Variants in HGSNAT observed in about 807,000 individuals in gnomAD.
The protein encoded by HGSNAT is transmembrane protein 76.
In HGSNAT, 59 loss-of-function variants were observed where a neutral mutation model predicts 85.2. That is an observed-to-expected ratio of 0.69 (90% CI 0.56 to 0.86). The LOEUF (loss-of-function observed/expected upper bound fraction) is 0.86, where lower values mean the gene tolerates loss of function less well. Among genes scored for constraint, HGSNAT ranks in the 40% least tolerant of loss-of-function variants. HGSNAT has a pLI of 0.00. For missense variants in HGSNAT, 756 were observed against 777.1 expected (o/e 0.97, Z 0.32); for synonymous variants, 321 against 304.5 (o/e 1.05, Z -0.56).
At chr8:43,169,277 G>T (rs774305899) in intron 6 of HGSNAT, 35 bp downstream of exon 6, 2 of 1,356,280 alleles carry the variant, frequency 1.5e-6, no homozygotes, top group Non-Finnish European at 1.0e-6. Flanking sequence ...TTGCCCAGGT[G>T]GTTTTCTAAA....
At chr8:43,184,673 G>A (rs1479631422) in intron 11 of HGSNAT, among the ~76,000 whole-genome samples, 3 of 152,144 alleles carry the variant, frequency 2.0e-5, no homozygotes, top group Non-Finnish European at 4.4e-5. Context: ...GGCTTTTGTT[G>A]CCATTGCTTT....
intron 11 of HGSNAT, among the ~76,000 whole-genome samples, chr8:43,184,851 A>T (rs1022208013): frequency 6.6e-6 from 1 of 152,238 alleles, no homozygotes; most frequent in African/African-American, 2.4e-5. Flanking sequence ...AGCTTTCTAC[A>T]TATGGCTAGC....
At chr8:43,194,596 C>T (rs1020124265) in intron 14 of HGSNAT, 40 of 880,354 alleles carry the variant, frequency 4.5e-5, no homozygotes, top group Non-Finnish European at 5.3e-5. Context: ...TGGTGAGGGT[C>T]TGGGCTCTCC....
At chr8:43,158,763 C>A in intron 3 of HGSNAT, 52 bp downstream of exon 3, 2 of 1,543,798 alleles carry the variant, frequency 1.3e-6, no homozygotes, top group Non-Finnish European at 1.7e-6. Flanking sequence ...TTCTCTTTTT[C>A]TATTTTGGTT....
rs145454681 is a variant in HGSNAT, at chr8:43,142,653, C to G, written c.118+2039C>G. Among the ~76,000 whole-genome samples the G allele has an allele frequency of 5.9e-5, 9 of 152,228 alleles. No individual in the cohort carries two copies. The East Asian group carries it at 1.7e-3, about 29-fold the overall frequency. ...TTTGTGGGAAATTAAAAAAATCATG[C>G]TGATTGGGCAGAGATTCTGATTTAA... On this transcript the variant is annotated intron_variant, in intron 1 of 17. Coordinates refer to ENST00000379644, the MANE Select transcript of HGSNAT (RefSeq NM_152419.3).
intron 1 of HGSNAT, among the ~76,000 whole-genome samples, chr8:43,144,300 G>A (rs1802645993): frequency 6.6e-6 from 1 of 150,704 alleles, no homozygotes; most frequent in African/African-American, 2.4e-5. Flanking sequence ...ACTCCAGCCT[G>A]GGAGACAGAG....
Position 43,202,229 on chromosome 8 carries a change from C to T in HGSNAT, c.*2660C>T, listed in dbSNP as rs1026692126. On this transcript the variant is annotated 3_prime_UTR_variant, in exon 18 of 18. Transcript: ENST00000379644. ...AGGTGCTCGACACCAGGCATCCCCT[C>T]TCCTCCCACGAAGGGTGTGCCATAA... The T allele has an allele frequency of 2.0e-5, 3 of 152,524 alleles. No homozygotes were observed. The highest frequency in any genetic ancestry group is 7.2e-5 in the African/African-American group (3 of 41,474). 9.4% of individuals were successfully genotyped at this position (152,524 alleles called of 1,614,324 possible).
In HGSNAT at chr8:43,140,490, G is replaced by A. The variant is rs1453601054; in HGVS notation, c.-7G>A. ...GGCAGGCAAGGGCGGCCGAGCGGGC[G>A]GCGGGCATGAGCGGGGCGGGCAGGG... On this transcript the variant is annotated 5_prime_UTR_variant, in exon 1 of 18. Coordinates refer to ENST00000379644, the MANE Select transcript of HGSNAT (RefSeq NM_152419.3). The A allele has an allele frequency of 2.0e-6, 2 of 1,010,604 alleles. No homozygotes were observed. The highest frequency in any genetic ancestry group is 2.4e-6 in the Non-Finnish European group (2 of 846,950). 62.6% of individuals were successfully genotyped at this position (1,010,604 alleles called of 1,614,324 possible).
chr8:43,185,515 T>C (rs889752146), intron 11 of HGSNAT, among the ~76,000 whole-genome samples: 2 of 152,240 alleles, frequency 1.3e-5, no homozygotes, highest in African/African-American at 4.8e-5. Flanking sequence ...TGAAGTTGCT[T>C]ATCAGCTTAA....
intron 4 of HGSNAT, among the ~76,000 whole-genome samples, chr8:43,160,267 G>A (rs146004630): frequency 1.6e-3 from 242 of 152,302 alleles, no homozygotes; most frequent in African/African-American, 5.5e-3. Context: ...GGAAAATTCT[G>A]TGGAGAAGAA....
At chr8:43,151,207 G>C (rs1802906287) in intron 2 of HGSNAT, among the ~76,000 whole-genome samples, 1 of 152,248 alleles carries the variant, frequency 6.6e-6, no homozygotes, top group Non-Finnish European at 1.5e-5. Context: ...TCATCATAGA[G>C]CTGGTGAACT....
chr8:43,158,150 G>A (rs551732398), intron 2 of HGSNAT, among the ~76,000 whole-genome samples: 96 of 152,184 alleles, frequency 6.3e-4, no homozygotes, highest in African/African-American at 2.2e-3. Context: ...CCAGGCTGGA[G>A]TGCAGTGGCG....
At chr8:43,140,924 G>A (rs1802504469) in intron 1 of HGSNAT, among the ~76,000 whole-genome samples, 1 of 152,192 alleles carries the variant, frequency 6.6e-6, no homozygotes, top group Non-Finnish European at 1.5e-5. Context: ...CTAAACAGAG[G>A]CCGCGGATCG....
chr8:43,193,669 G>A lies in HGSNAT; in HGVS notation c.1378-88G>A, dbSNP rs1804615297. The A allele has an allele frequency of 3.7e-6, 3 of 803,970 alleles. 1 individual carries two copies. In the South Asian group the frequency reaches 4.7e-5, roughly 13 times the overall value. The allele number at this position is 803,970 out of a possible 1,614,324, so 49.8% of individuals were successfully genotyped here. A position where few individuals can be genotyped will look rare whatever the true frequency, so the allele number is the denominator to read the frequency against. On this transcript the variant is annotated intron_variant, in intron 13 of 17. Coordinates refer to ENST00000379644, the MANE Select transcript of HGSNAT (RefSeq NM_152419.3). The stretch of plus-strand genomic sequence containing the variant: ...ACAGAAAACCATGACATACTGGAGT[G>A]TATTCAGGTTTGTATTTGGTCTAGG...
intron 1 of HGSNAT, among the ~76,000 whole-genome samples, chr8:43,143,859 T>C (rs1310631298): frequency 6.6e-6 from 1 of 152,028 alleles, no homozygotes; most frequent in African/African-American, 2.4e-5. Context: ...CAGGAGCTAT[T>C]TCATAGGGCT....
rs548701777 is a variant in HGSNAT, at chr8:43,195,297, A to G, written c.1464+1454A>G. Reference sequence around the variant, plus strand: ...CCAAAGCCTTACCAATAACATCAACAGTTGATTCACACATATTTTATATAA... The same window carrying G: ...CCAAAGCCTTACCAATAACATCAACGGTTGATTCACACATATTTTATATAA... On this transcript the variant is annotated intron_variant, in intron 14 of 17. Transcript: ENST00000379644. Among the ~76,000 whole-genome samples the G allele has an allele frequency of 2.0e-5, 3 of 152,240 alleles. No individual in the cohort carries two copies. The East Asian group carries it at 5.8e-4, about 29-fold the overall frequency.
intron 17 of HGSNAT, among the ~76,000 whole-genome samples, chr8:43,198,449 A>G (rs369955784): frequency 3.3e-5 from 5 of 151,672 alleles, no homozygotes; most frequent in South Asian, 4.2e-4. Context: ...CACCACGCCC[A>G]GCTAATTTTT....
rs558161244 is a variant in HGSNAT, at chr8:43,179,488, G to C, written c.1012+1254G>C. ...CCCGGACGGGGCGGCCGGCCGGAAGGGGGGCTGACCCCCCCCACCTCCCTC... is the reference window on the plus strand; with the variant it reads ...CCCGGACGGGGCGGCCGGCCGGAAGCGGGGCTGACCCCCCCCACCTCCCTC... On this transcript the variant is annotated intron_variant, in intron 10 of 17. Transcript: ENST00000379644. 7.9e-3 allele frequency among the ~76,000 whole-genome samples: 953 copies of C among 121,178 alleles called. 2 individuals carry two copies. The highest frequency in any genetic ancestry group is 0.012 in the Non-Finnish European group (684 of 56,584). 79.5% of individuals were successfully genotyped at this position (121,178 alleles called of 152,430 possible).
At chr8:43,176,230 T>C (rs1803806224) in intron 9 of HGSNAT, among the ~76,000 whole-genome samples, 1 of 152,154 alleles carries the variant, frequency 6.6e-6, no homozygotes, top group South Asian at 2.1e-4. Flanking sequence ...TTTAATATGA[T>C]GAGAGATAGG....
Sources: gnomAD v4.1 joint callset for allele counts (sites outside exome capture counted in the v4.1 genomes callset) on GRCh38, gnomAD v4.1.1 for gene constraint, MANE v1.5 for transcripts, NCBI Gene and HGNC (gene_info 2026-07-23, HGNC 2026-07-21) for gene names.